FYB1: variants seen among roughly 807,000 people sequenced by gnomAD.
FYB1 encodes the protein FYN-binding protein 1.
Under a neutral mutation model 94.1 loss-of-function variants are expected in FYB1, and 41 were observed. The observed-to-expected ratio is 0.44, with a 90% CI of 0.34 to 0.57. FYB1 has a LOEUF of 0.57. FYB1 is among the 20% of genes least tolerant of loss of function. The probability of loss-of-function intolerance (pLI) is 0.02; values close to 1 mark genes in which losing one functional copy is unlikely to be tolerated. For missense variants in FYB1, 1,050 were observed against 976.8 expected (o/e 1.07, Z -1.00); for synonymous variants, 367 against 353.2 (o/e 1.04, Z -0.44).
At chr5:39,191,063 G>A (rs190047768) in intron 2 of FYB1, among the ~76,000 whole-genome samples, 28 of 152,212 alleles carry the variant, frequency 1.8e-4, no homozygotes, top group African/African-American at 5.3e-4. Flanking sequence ...AATAATTGTC[G>A]ATTACCTTCT....
In FYB1 at chr5:39,106,493, C is replaced by A. The variant is rs1400643395; in HGVS notation, c.*950G>T. The A allele has an allele frequency of 1.3e-5, 2 of 151,806 alleles. No homozygotes were observed. Among genetic ancestry groups the A allele is most frequent in the Admixed American group, 1.3e-4 (2 of 15,234 alleles). The allele number at this position is 151,806 out of a possible 1,614,324, so 9.4% of individuals were successfully genotyped here. On this transcript the variant is annotated 3_prime_UTR_variant, in exon 19 of 19. Transcript: ENST00000512982. The stretch of plus-strand genomic sequence containing the variant: ...CCAAACACTAGAATTTTAATAATTT[C>A]TACTCCCTCTGCTGGCCAACTTTCC...
At chr5:39,239,090 G>A (rs903129058) in intron 1 of FYB1, among the ~76,000 whole-genome samples, 1 of 152,064 alleles carries the variant, frequency 6.6e-6, no homozygotes, top group African/African-American at 2.4e-5. Flanking sequence ...ATGCAGAAAA[G>A]GTTTCTAATA....
chr5:39,274,178 C>T (rs924885630), intron 1 of FYB1, among the ~76,000 whole-genome samples: 1 of 152,170 alleles, frequency 6.6e-6, no homozygotes, highest in Non-Finnish European at 1.5e-5. Context: ...CCACCTTGGC[C>T]TCCCAAAGTG....
Position 39,235,256 on chromosome 5 carries a change from C to T in FYB1, c.-27-32269G>A, listed in dbSNP as rs551967023. The stretch of plus-strand genomic sequence containing the variant: ...AAAGCTTGAGGTGAAGAGGGAACTA[C>T]AGATAATACCCCAAGGATCAGCTTT... On this transcript the variant is annotated intron_variant, in intron 1 of 1. Transcript: ENST00000510188. 2.5e-4 allele frequency among the ~76,000 whole-genome samples: 38 copies of T among 149,062 alleles called. 3 individuals carry two copies. The East Asian group carries it at 2.8e-3, about 11-fold the overall frequency.
intron 3 of FYB1, among the ~76,000 whole-genome samples, chr5:39,151,005 C>T (rs554884012): frequency 3.3e-5 from 5 of 152,000 alleles, no homozygotes; most frequent in African/African-American, 1.2e-4. Flanking sequence ...CCTACATAAG[C>T]TGACTCTTTC....
chr5:39,248,098 C>G lies in FYB1; in HGVS notation c.-28+26305G>C, dbSNP rs116657362. Among the ~76,000 whole-genome samples the G allele has an allele frequency of 6.9e-3, 1,053 of 152,208 alleles. 9 individuals carry two copies. Among genetic ancestry groups the G allele is most frequent in the African/African-American group, 0.023 (937 of 41,526 alleles). On this transcript the variant is annotated intron_variant, in intron 1 of 1. Coordinates refer to the FYB1 transcript ENST00000510188. Reference sequence around the variant, plus strand: ...GAGAGAGTCAGGTGGAAGCACTCCACAGCAGACTTCATTTGTCAAAGAACT... The same window carrying G: ...GAGAGAGTCAGGTGGAAGCACTCCAGAGCAGACTTCATTTGTCAAAGAACT...
At chr5:39,137,818 A>T in intron 6 of FYB1, 98 bp from the exon 7 acceptor site, 1 of 1,473,972 alleles carries the variant, frequency 6.8e-7, no homozygotes, top group Non-Finnish European at 9.1e-7. Context: ...AAAAGGTGGT[A>T]TCTGAAGTAC....
chr5:39,203,895 C>G (rs538299754), intron 1 of FYB1, among the ~76,000 whole-genome samples: 1 of 152,168 alleles, frequency 6.6e-6, no homozygotes, highest in South Asian at 2.1e-4. Flanking sequence ...CCCATTTTAC[C>G]TGGGAAAGTT....
chr5:39,268,366 A>G (rs1752523584), intron 1 of FYB1, among the ~76,000 whole-genome samples: 1 of 151,716 alleles, frequency 6.6e-6, no homozygotes, highest in African/African-American at 2.4e-5. Flanking sequence ...TAGGTGGGAC[A>G]ACAGGCATGC....
intron 1 of FYB1, chr5:39,270,780 T>G (rs749359331): frequency 3.1e-5 from 14 of 454,868 alleles, no homozygotes; most frequent in Non-Finnish European, 4.7e-5. Context: ...GTTTATCTTG[T>G]TATTATTTTT....
At chr5:39,118,652 C>T (rs1739787774) in intron 16 of FYB1, among the ~76,000 whole-genome samples, 1 of 152,060 alleles carries the variant, frequency 6.6e-6, no homozygotes, top group Admixed American at 6.6e-5. Flanking sequence ...ATCTTTGACA[C>T]CGAGTATATA....
At chr5:39,173,621 T>C (rs1023349919) in intron 2 of FYB1, among the ~76,000 whole-genome samples, 1 of 152,188 alleles carries the variant, frequency 6.6e-6, no homozygotes, top group Non-Finnish European at 1.5e-5. Flanking sequence ...TTTTTGTATA[T>C]GCTGAGAGGC....
intron 2 of FYB1, among the ~76,000 whole-genome samples, chr5:39,166,389 T>C (rs993616336): frequency 6.6e-6 from 1 of 151,408 alleles, no homozygotes; most frequent in Non-Finnish European, 1.5e-5. Flanking sequence ...TGAGCCAAGA[T>C]TGTGCCGTTG....
intron 9 of FYB1, among the ~76,000 whole-genome samples, chr5:39,131,018 T>C (rs991710150): frequency 4.6e-5 from 7 of 152,166 alleles, no homozygotes; most frequent in African/African-American, 1.7e-4. Context: ...AAATTATCTT[T>C]CAATATCTTT....
At chr5:39,197,168 A>T (rs184135654) in intron 2 of FYB1, among the ~76,000 whole-genome samples, 1 of 152,360 alleles carries the variant, frequency 6.6e-6, no homozygotes, top group East Asian at 1.9e-4. Context: ...ACTTCTAACA[A>T]GAAAAAATAG....
intron 16 of FYB1, among the ~76,000 whole-genome samples, chr5:39,114,507 T>C (rs1177366768): frequency 1.3e-5 from 2 of 152,170 alleles, no homozygotes; most frequent in Non-Finnish European, 2.9e-5. Context: ...TTTTCTTTCT[T>C]TGATGGATTA....
intron 17 of FYB1, among the ~76,000 whole-genome samples, chr5:39,108,725 T>C (rs1738774984): frequency 6.6e-6 from 1 of 152,066 alleles, no homozygotes. Context: ...TTATAACTCA[T>C]ACATATAATA....
Position 39,235,326 on chromosome 5 carries a change from A to G in FYB1, c.-27-32339T>C, listed in dbSNP as rs551975496. Among the ~76,000 whole-genome samples, 18 of 151,764 alleles carry G rather than the reference A, an allele frequency of 1.2e-4. No homozygotes were observed. The South Asian group carries it at 3.7e-3, about 32-fold the overall frequency. ...CAGGATCTTAAAAATGTTTTTCTTG[A>G]GAAATGAACAAAGGTGACATTTTTA... On this transcript the variant is annotated intron_variant, in intron 1 of 1. Transcript: ENST00000510188.
chr5:39,164,511 A>G (rs776198605), intron 2 of FYB1, among the ~76,000 whole-genome samples: 1 of 152,050 alleles, frequency 6.6e-6, no homozygotes, highest in Non-Finnish European at 1.5e-5. Flanking sequence ...TGCAACATCC[A>G]CTTCCCAGGT....
Sources: allele counts gnomAD v4.1 joint callset (sites outside exome capture counted in the v4.1 genomes callset), GRCh38; gene constraint gnomAD v4.1.1; transcripts MANE v1.5; gene names NCBI Gene and HGNC (gene_info 2026-07-23, HGNC 2026-07-21).